Variants in SMYD4 observed in about 807,000 individuals in gnomAD.
SMYD4 encodes SET and MYND domain containing 4, also known as protein-lysine N-methyltransferase SMYD4.
In SMYD4, 68 loss-of-function variants were observed where a neutral mutation model predicts 72.8. That is an observed-to-expected ratio of 0.93 (90% CI 0.77 to 1.14). The LOEUF is 1.14. Among genes scored for constraint, SMYD4 ranks in the 50% most tolerant of loss-of-function variants. SMYD4 has a pLI of 0.00. For synonymous variants in SMYD4, 407 were observed against 388.6 expected (o/e 1.05, Z -0.56); for missense variants, 984 against 1,003.7 (o/e 0.98, Z 0.27).
chr17:1,805,958 C>T (rs1158353520), intron 3 of SMYD4, among the ~76,000 whole-genome samples: 2 of 145,808 alleles, frequency 1.4e-5, no homozygotes, highest in African/African-American at 2.5e-5. Flanking sequence ...GAGTCTCGCT[C>T]TGTCGCCCAG....
chr17:1,815,729 T>A (rs1753915192), intron 2 of SMYD4, among the ~76,000 whole-genome samples: 1 of 150,586 alleles, frequency 6.6e-6, no homozygotes, highest in African/African-American at 2.4e-5. Context: ...AGACGAAGTC[T>A]CGCTCTGTCA....
At chr17:1,790,254 C>T (rs1053496205) in intron 5 of SMYD4, among the ~76,000 whole-genome samples, 1 of 152,080 alleles carries the variant, frequency 6.6e-6, no homozygotes, top group Non-Finnish European at 1.5e-5. Flanking sequence ...TATAGATTAC[C>T]CTCTGACAGA....
intron 3 of SMYD4, among the ~76,000 whole-genome samples, chr17:1,809,880 A>G (rs960505721): frequency 2.6e-5 from 4 of 151,886 alleles, no homozygotes; most frequent in Admixed American, 2.6e-4. Flanking sequence ...CATGTTAGCC[A>G]GGACGGTCTC....
chr17:1,781,467 G>C (rs1204254948), intron 10 of SMYD4, 28 bp from the exon 11 acceptor site: 1 of 1,607,126 alleles, frequency 6.2e-7, no homozygotes, highest in Non-Finnish European at 8.5e-7. Flanking sequence ...AGAGGAGTTA[G>C]TTCACTGATT....
At chr17:1,816,966 C>A (rs1440205761) in intron 2 of SMYD4, among the ~76,000 whole-genome samples, 1 of 151,092 alleles carries the variant, frequency 6.6e-6, no homozygotes, top group African/African-American at 2.4e-5. Flanking sequence ...AATTTCTTAT[C>A]TGATACATGA....
intron 2 of SMYD4, among the ~76,000 whole-genome samples, chr17:1,824,009 G>C (rs1016283092): frequency 6.6e-6 from 1 of 152,132 alleles, no homozygotes; most frequent in Non-Finnish European, 1.5e-5. Context: ...TTTGAAGGGG[G>C]TTTCTGTTAC....
intron 5 of SMYD4, among the ~76,000 whole-genome samples, chr17:1,788,017 T>C (rs1908799205): frequency 6.6e-6 from 1 of 152,298 alleles, no homozygotes; most frequent in Middle Eastern, 3.4e-3. Flanking sequence ...TATCTGGTCT[T>C]TGGTTGGTTA....
In SMYD4 at chr17:1,804,718, G is replaced by A. The variant is rs1472957049; in HGVS notation, c.280-3C>T. The A allele has an allele frequency of 6.2e-7, 1 of 1,612,342 alleles. No individual in the cohort carries two copies. The highest frequency in any genetic ancestry group is 8.5e-7 in the Non-Finnish European group (1 of 1,178,920). ...TTAGGCCTTGAATGTGACACTCCCT[G>A]CAAAACAATGAACTGGTTAAAAGTA... On this transcript the variant is annotated splice_region_variant and splice_polypyrimidine_tract_variant and intron_variant, in intron 3 of 10. Transcript: ENST00000305513.
In SMYD4 at chr17:1,783,436, G is replaced by A. The variant is rs1288900635; in HGVS notation, c.2061C>T (p.Ala687=). ...CGTGCTCTGCCCACAGGAAGCTCTCGGCGTCACGCTGGCACCCCGACAGCC... is the reference window on the plus strand; with the variant it reads ...CGTGCTCTGCCCACAGGAAGCTCTCAGCGTCACGCTGGCACCCCGACAGCC... ...VQRLSGCQRD[A]ESFLWAEHAV... Residue 687 remains alanine, a synonymous_variant, in exon 9 of 11, where the codon GCC becomes GCT. Transcript: ENST00000305513. 7 of 1,612,312 alleles carry A rather than the reference G, an allele frequency of 4.3e-6. No homozygotes were observed. Among genetic ancestry groups the A allele is most frequent in the Non-Finnish European group, 5.9e-6 (7 of 1,179,814 alleles).
At chr17:1,785,662 A>G (rs1363221654) in intron 7 of SMYD4, among the ~76,000 whole-genome samples, 1 of 150,636 alleles carries the variant, frequency 6.6e-6, no homozygotes, top group Non-Finnish European at 1.5e-5. Flanking sequence ...GGGGAGGCTG[A>G]GGCAGGAGAA....
chr17:1,794,519 ATT>A (rs36030052), intron 5 of SMYD4, among the ~76,000 whole-genome samples: 112,845 of 151,256 alleles, frequency 0.75, 42,885 homozygotes, highest in Non-Finnish European at 0.81. Context: ...ATTCTATAGT[ATT>A]TTAAAAAGCC....
chr17:1,807,364 G>A (rs1421672376), intron 3 of SMYD4, among the ~76,000 whole-genome samples: 3 of 149,600 alleles, frequency 2.0e-5, no homozygotes, highest in Non-Finnish European at 4.4e-5. Context: ...TCGCTCTTTC[G>A]CCCAGGCTGG....
At position 1,799,930 on chromosome 17, in the gene SMYD4, C is replaced by G; in HGVS notation, c.1464G>C (p.Trp488Cys). The G allele has an allele frequency of 6.2e-7, 1 of 1,613,960 alleles. No homozygotes were observed. Among genetic ancestry groups the G allele is most frequent in the Non-Finnish European group, 8.5e-7 (1 of 1,179,938 alleles). ...TPELCPDVTI[W>C]GVAMLRHMLQ... The stretch of plus-strand genomic sequence containing the variant: ...ACATGTGTCTCAGCATCGCCACTCC[C>G]CAAATAGTCACGTCAGGACACAATT... Residue 488 changes from tryptophan (W) to cysteine (C), a missense_variant, in exon 5 of 11, where the codon TGG (tryptophan) becomes TGC (cysteine). Physicochemically the swap from Trp to Cys is radical, Grantham distance 215 (BLOSUM62 -2). Transcript: ENST00000305513.
At chr17:1,811,407 C>A (rs996017398) in intron 3 of SMYD4, among the ~76,000 whole-genome samples, 1 of 152,088 alleles carries the variant, frequency 6.6e-6, no homozygotes, top group African/African-American at 2.4e-5. Flanking sequence ...GGTCTTGAAC[C>A]CCTGGCCTCA....
chr17:1,803,757 C>G (rs1241165208), intron 4 of SMYD4, among the ~76,000 whole-genome samples: 1 of 152,138 alleles, frequency 6.6e-6, no homozygotes, highest in Non-Finnish European at 1.5e-5. Context: ...CCTTGGCCTC[C>G]CAAAGTGCTG....
chr17:1,786,508 C>G (rs1908698559), intron 7 of SMYD4, among the ~76,000 whole-genome samples: 1 of 152,184 alleles, frequency 6.6e-6, no homozygotes, highest in South Asian at 2.1e-4. Flanking sequence ...GTCACTGTGC[C>G]CAGCCTATCC....
intron 2 of SMYD4, among the ~76,000 whole-genome samples, chr17:1,820,436 C>T (rs1399495035): frequency 6.6e-6 from 1 of 151,496 alleles, no homozygotes; most frequent in East Asian, 2.0e-4. Context: ...GACACAGTCT[C>T]ACTATGTTGC....
Position 1,812,128 on chromosome 17 carries a change from A to C in SMYD4, c.135-13T>G. 2.5e-6 allele frequency: 4 copies of C among 1,609,326 alleles called. No individual in the cohort carries two copies. The African/African-American group carries it at 5.4e-5, about 22-fold the overall frequency. ...CTCATCCTCAGGTCTGCATGAAGAAAGGAGGAAACAAAGTAAGCAGAAATG... is the reference window on the plus strand; with the variant it reads ...CTCATCCTCAGGTCTGCATGAAGAACGGAGGAAACAAAGTAAGCAGAAATG... On this transcript the variant is annotated splice_polypyrimidine_tract_variant and intron_variant, in intron 2 of 10. Coordinates refer to ENST00000305513, the MANE Select transcript of SMYD4 (RefSeq NM_052928.3).
rs1047081821 is a variant in SMYD4, at chr17:1,812,248, A to C, written c.135-133T>G. 28 of 1,050,610 alleles carry C rather than the reference A, an allele frequency of 2.7e-5. No homozygotes were observed. The East Asian group carries it at 6.1e-4, about 23-fold the overall frequency. The allele number at this position is 1,050,610 out of a possible 1,614,324, so 65.1% of individuals were successfully genotyped here. A position where few individuals can be genotyped will look rare whatever the true frequency, so the allele number is the denominator to read the frequency against. ...CACATGAGGATATGTACATTGTGCA[A>C]TGTGATTAGAGGAAAGAAATCTCAT... is the stretch of plus-strand genomic sequence containing the variant. On this transcript the variant is annotated intron_variant, in intron 2 of 10. Transcript: ENST00000305513.
Sources: allele counts gnomAD v4.1 joint callset (sites outside exome capture counted in the v4.1 genomes callset), GRCh38; gene constraint gnomAD v4.1.1; transcripts MANE v1.5; gene names NCBI Gene and HGNC (gene_info 2026-07-23, HGNC 2026-07-21).